Variants in C10orf90 observed in about 807,000 individuals in gnomAD.
C10orf90 encodes the protein (E2-independent) E3 ubiquitin-conjugating enzyme FATS.
A neutral mutation model predicts 62.5 loss-of-function variants in C10orf90; 56 were observed. The ratio of observed to expected loss-of-function variants is 0.90; its 90% CI spans 0.72 to 1.12. The LOEUF (loss-of-function observed/expected upper bound fraction) is 1.12. Among genes scored for constraint, C10orf90 ranks in the 50% most tolerant of loss-of-function variants. C10orf90 has a pLI of 0.00. For missense variants in C10orf90, 970 were observed against 880.4 expected (o/e 1.10, Z -1.29); for synonymous variants, 386 against 340.4 (o/e 1.13, Z -1.47).
At chr10:126,574,317 TAAGGAAAAACA>T (rs1297896065) in intron 2 of C10orf90, among the ~76,000 whole-genome samples, 2 of 151,750 alleles carry the variant, frequency 1.3e-5, no homozygotes, top group Admixed American at 6.6e-5. Flanking sequence ...CTAAAATAGA[TAAGGAAAAACA>T]AAGGAAAAAC....
At chr10:126,588,529 G>A in intron 2 of C10orf90, among the ~76,000 whole-genome samples, 1 of 152,196 alleles carries the variant, frequency 6.6e-6, no homozygotes, top group Non-Finnish European at 1.5e-5. Context: ...GATACCTCCA[G>A]GTGTGGGAGG....
intron 2 of C10orf90, among the ~76,000 whole-genome samples, chr10:126,562,202 A>T (rs1864918099): frequency 6.6e-6 from 1 of 152,110 alleles, no homozygotes; most frequent in Admixed American, 6.5e-5. Flanking sequence ...TGCGGCCCTC[A>T]TCTCACTGCT....
At chr10:126,571,794 C>A (rs145799428) in intron 2 of C10orf90, among the ~76,000 whole-genome samples, 8 of 152,208 alleles carry the variant, frequency 5.3e-5, no homozygotes, top group African/African-American at 1.9e-4. Context: ...ACCTGGGACT[C>A]CAGGCGTAAA....
chr10:126,467,030 C>A (rs1042449000), intron 4 of C10orf90, among the ~76,000 whole-genome samples: 1 of 152,192 alleles, frequency 6.6e-6, no homozygotes, highest in African/African-American at 2.4e-5. Flanking sequence ...GATGCAGTCT[C>A]AATCTGCCAG....
intron 2 of C10orf90, among the ~76,000 whole-genome samples, chr10:126,644,667 G>A (rs535207532): frequency 1.3e-5 from 2 of 152,330 alleles, no homozygotes; most frequent in Non-Finnish European, 2.9e-5. Flanking sequence ...TGATTCCTAA[G>A]CCATTAAAGT....
At chr10:126,494,470 T>C (rs1342674971) in intron 4 of C10orf90, among the ~76,000 whole-genome samples, 1 of 152,010 alleles carries the variant, frequency 6.6e-6, no homozygotes, top group Non-Finnish European at 1.5e-5. Context: ...AAAACTAGAG[T>C]TGTTCAGAGG....
chr10:126,644,624 C>T (rs1260168722), intron 2 of C10orf90, among the ~76,000 whole-genome samples: 1 of 152,238 alleles, frequency 6.6e-6, no homozygotes, highest in Non-Finnish European at 1.5e-5. Context: ...GCAGCCTGCA[C>T]CGTTAACCTC....
rs1845389674 is a variant in C10orf90 at position 126,609,651 on chromosome 10, G to A, written c.313+36914C>T. On this transcript the variant is annotated intron_variant, in intron 2 of 9. Coordinates refer to ENST00000488181, the MANE Select transcript of C10orf90 (RefSeq NM_001350921.2). ...TGGCAAGGGTGCATGATGGGGTTGA[G>A]CATTGTGGGAGAAGAGGGACAGGAG... Among the ~76,000 whole-genome samples the A allele has an allele frequency of 2.0e-5, 3 of 152,234 alleles. No homozygotes were observed. In the South Asian group the frequency reaches 6.2e-4, roughly 31 times the overall value.
rs1402579656 is a variant in C10orf90, at chr10:126,504,157, G to A, written c.1334C>T (p.Pro445Leu). The A allele has an allele frequency of 6.2e-7, 1 of 1,614,030 alleles. No individual in the cohort carries two copies. The highest frequency in any genetic ancestry group is 8.5e-7 in the Non-Finnish European group (1 of 1,180,036). Reference protein sequence around the residue: ...GLQESHLKETPSLRRVHLGTG... With the variant: ...GLQESHLKETLSLRRVHLGTG... ...CCCCAAATGCACCCGCCTCAACGAT[G>A]GGGTTTCCTTCAAGTGACTTTCTTG... The change falls in exon 4 of 10, where the codon CCA (proline) becomes CTA (leucine). Residue 445 changes from proline to leucine, a missense_variant. Transcript: ENST00000488181. The surrounding 1 kb of genome is among the most constrained non-coding windows in gnomAD (Gnocchi z 4.1).
intron 2 of C10orf90, among the ~76,000 whole-genome samples, chr10:126,522,527 C>T (rs1007794858): frequency 2.0e-5 from 3 of 152,222 alleles, no homozygotes; most frequent in Non-Finnish European, 4.4e-5. Context: ...TGGATAATCT[C>T]AAGCCCCTTG....
chr10:126,514,709 T>G (rs764202524), intron 2 of C10orf90, among the ~76,000 whole-genome samples: 5 of 152,216 alleles, frequency 3.3e-5, no homozygotes, highest in Non-Finnish European at 5.9e-5. Context: ...CCAGCAGTAC[T>G]GCAAAGCCTA....
chr10:126,666,309 TA>T (rs1171149797), intron 1 of C10orf90, among the ~76,000 whole-genome samples: 1 of 151,916 alleles, frequency 6.6e-6, no homozygotes, highest in African/African-American at 2.4e-5. Context: ...ATCGAAAAAA[TA>T]AGCCTCAAAA....
chr10:126,564,108 T>C (rs1164686214), intron 2 of C10orf90, among the ~76,000 whole-genome samples: 1 of 152,118 alleles, frequency 6.6e-6, no homozygotes, highest in Non-Finnish European at 1.5e-5. Flanking sequence ...GCTATCTGTC[T>C]GCTTGGGGAG....
intron 2 of C10orf90, among the ~76,000 whole-genome samples, chr10:126,640,896 C>A (rs891828957): frequency 6.6e-6 from 1 of 152,150 alleles, no homozygotes; most frequent in African/African-American, 2.4e-5. Context: ...GGAGAAGTTG[C>A]ATTGATTGGA....
At chr10:126,637,905 G>A (rs1034569848) in intron 2 of C10orf90, among the ~76,000 whole-genome samples, 1 of 152,206 alleles carries the variant, frequency 6.6e-6, no homozygotes, top group African/African-American at 2.4e-5. Context: ...GAATGAGGAA[G>A]GTACAGTTGG....
intron 4 of C10orf90, chr10:126,469,814 T>C (rs1240937371): frequency 4.4e-6 from 2 of 454,574 alleles, no homozygotes; most frequent in East Asian, 1.4e-4. Context: ...TTAAGAGAGA[T>C]TGGCAGGCTT....
intron 7 of C10orf90, among the ~76,000 whole-genome samples, chr10:126,443,516 G>A (rs540422465): frequency 1.0e-3 from 152 of 151,156 alleles, no homozygotes; most frequent in African/African-American, 3.6e-3. Context: ...AGATTGAAAC[G>A]GTAATTTAAA....
chr10:126,608,679 G>T (rs1845367953), intron 2 of C10orf90, among the ~76,000 whole-genome samples: 1 of 152,262 alleles, frequency 6.6e-6, no homozygotes, highest in African/African-American at 2.4e-5. Flanking sequence ...AAGCAGATAT[G>T]AAATCCAGCT....
chr10:126,438,389 T>C lies in C10orf90; in HGVS notation c.2189-8539A>G, dbSNP rs1858062114. On this transcript the variant is annotated intron_variant, in intron 7 of 9. Coordinates refer to ENST00000488181, the MANE Select transcript of C10orf90 (RefSeq NM_001350921.2). ...AAAGTAATGTTTCCAAAGCAGACTA[T>C]CAAGAATTAGATAAAAACATTTCAA... Among the ~76,000 whole-genome samples the C allele has an allele frequency of 2.0e-5, 3 of 152,148 alleles. No individual in the cohort carries two copies. In the South Asian group the frequency reaches 6.2e-4, roughly 32 times the overall value.
Sources: allele counts gnomAD v4.1 joint callset (sites outside exome capture counted in the v4.1 genomes callset), GRCh38; gene constraint gnomAD v4.1.1; non-coding constraint Gnocchi (gnomAD v3.1); transcripts MANE v1.5; gene names NCBI Gene and HGNC (gene_info 2026-07-23, HGNC 2026-07-21).